KRAS: variants seen among roughly 807,000 people sequenced by gnomAD.
KRAS encodes the protein GTPase KRas.
KRAS carries 1 observed loss-of-function variant against 21.0 expected under a neutral mutation model. The observed-to-expected ratio is 0.05, with a 90% CI of 0.02 to 0.23. The LOEUF (loss-of-function observed/expected upper bound fraction) is 0.23. KRAS is among the 10% of genes least tolerant of loss of function. The probability of loss-of-function intolerance (pLI) is 1.00; values close to 1 mark genes in which losing one functional copy is unlikely to be tolerated. For missense variants in KRAS, 107 were observed against 221.8 expected (o/e 0.48, Z 3.29); for synonymous variants, 67 against 72.5 (o/e 0.92, Z 0.39).
At chr12:25,233,817 C>T (rs1000660819) in intron 2 of KRAS, 4 of 200,926 alleles carry the variant, frequency 2.0e-5, no homozygotes, top group Non-Finnish European at 3.1e-5. Context: ...TGAATGAATC[C>T]ATTTGATGTA....
At chr12:25,214,206 G>T (rs1402441595) in intron 4 of KRAS, among the ~76,000 whole-genome samples, 1 of 152,082 alleles carries the variant, frequency 6.6e-6, no homozygotes, top group African/African-American at 2.4e-5. Context: ...TTCCAAACAA[G>T]AGCCAAGACT....
rs34584556 is a variant in KRAS, at chr12:25,228,178, C to CTTTTT, written c.112-771_112-767dup. Among the ~76,000 whole-genome samples, 108 of 76,758 alleles carry CTTTTT rather than the reference C, an allele frequency of 1.4e-3. 2 individuals are homozygous for CTTTTT. Among genetic ancestry groups the CTTTTT allele is most frequent in the African/African-American group, 3.5e-3 (69 of 19,602 alleles). The allele number at this position is 76,758 out of a possible 152,430, so 50.4% of individuals were successfully genotyped here. A position where few individuals can be genotyped will look rare whatever the true frequency, so the allele number is the denominator to read the frequency against. Reference sequence around the variant, plus strand: ...GATTTTGGATTTTTTTTTCTTTCATCTTTTTTTTTTTTTTTTTTTTTTTGG... The same window carrying CTTTTT: ...GATTTTGGATTTTTTTTTCTTTCATCTTTTTTTTTTTTTTTTTTTTTTTTTTTTGG... On this transcript the variant is annotated intron_variant, in intron 2 of 4. Coordinates refer to ENST00000311936, the MANE Select transcript of KRAS (RefSeq NM_004985.5).
intron 2 of KRAS, among the ~76,000 whole-genome samples, chr12:25,237,232 T>C (rs1016689965): frequency 7.9e-5 from 12 of 152,230 alleles, no homozygotes; most frequent in African/African-American, 2.9e-4. Context: ...TTTTAGAGGC[T>C]GGTGGGAGAA....
At chr12:25,242,980 CTTGAT>C (rs1951629376) in intron 2 of KRAS, among the ~76,000 whole-genome samples, 1 of 152,078 alleles carries the variant, frequency 6.6e-6, no homozygotes, top group Admixed American at 6.5e-5. Context: ...TACAGTATTA[CTTGAT>C]TTAAATTTTT....
chr12:25,241,626 A>G (rs970880452), intron 2 of KRAS, among the ~76,000 whole-genome samples: 6 of 152,204 alleles, frequency 3.9e-5, no homozygotes, highest in African/African-American at 1.4e-4. Context: ...CAAGGTTTGG[A>G]TCTTAACACC....
chr12:25,232,074 C>A (rs1380360983), intron 2 of KRAS, among the ~76,000 whole-genome samples: 1 of 151,968 alleles, frequency 6.6e-6, no homozygotes, highest in African/African-American at 2.4e-5. Context: ...TCCATATCTG[C>A]ATTTGGTTGG....
chr12:25,225,792 T>C lies in KRAS; in HGVS notation c.291-19A>G. 1 of 1,607,092 alleles carries C rather than the reference T, an allele frequency of 6.2e-7. No individual in the cohort carries two copies. Among genetic ancestry groups the C allele is most frequent in the Non-Finnish European group, 8.5e-7 (1 of 1,175,488 alleles). On this transcript the variant is annotated intron_variant, in intron 3 of 4. Transcript: ENST00000311936. ...TTGTTCTCTGGGAAAGAAAAAAAAG[T>C]TATAGCACAGTCATTAGTAACACAA...
intron 4 of KRAS, among the ~76,000 whole-genome samples, chr12:25,222,074 G>A (rs555060775): frequency 1.1e-4 from 17 of 151,654 alleles, no homozygotes; most frequent in Middle Eastern, 3.4e-3. Flanking sequence ...GTGTGAACCC[G>A]GGAGGCGGAG....
At chr12:25,224,133 A>G (rs1951359679) in intron 4 of KRAS, among the ~76,000 whole-genome samples, 1 of 148,198 alleles carries the variant, frequency 6.7e-6, no homozygotes, top group South Asian at 2.1e-4. Flanking sequence ...TCAGTTGTAT[A>G]ATGGTATAGC....
chr12:25,214,685 G>A (rs1453490066), intron 4 of KRAS, among the ~76,000 whole-genome samples: 1 of 152,174 alleles, frequency 6.6e-6, no homozygotes, highest in East Asian at 1.9e-4. Context: ...ACCGCGCCCG[G>A]CCAAAAATGA....
At chr12:25,214,667 C>T (rs960881387) in intron 4 of KRAS, among the ~76,000 whole-genome samples, 1 of 152,200 alleles carries the variant, frequency 6.6e-6, no homozygotes. Flanking sequence ...GGATTACAGG[C>T]GTGAGCCACC....
At chr12:25,238,047 C>A (rs576116206) in intron 2 of KRAS, among the ~76,000 whole-genome samples, 25 of 152,244 alleles carry the variant, frequency 1.6e-4, no homozygotes, top group Non-Finnish European at 2.6e-4. Flanking sequence ...AGCTTATTTT[C>A]ATGGCAGAAT....
At chr12:25,248,230 G>A (rs1951710322) in intron 1 of KRAS, among the ~76,000 whole-genome samples, 1 of 152,038 alleles carries the variant, frequency 6.6e-6, no homozygotes, top group Non-Finnish European at 1.5e-5. Context: ...GGAGGCTTAG[G>A]CGGGCGGATC....
chr12:25,210,501 T>C (rs1951190601), intron 4 of KRAS, among the ~76,000 whole-genome samples: 1 of 152,136 alleles, frequency 6.6e-6, no homozygotes, highest in Admixed American at 6.5e-5. Flanking sequence ...TGATATATAT[T>C]AAGGGATTAG....
At position 25,245,260 on chromosome 12, in the gene KRAS, A is replaced by G. The variant is rs1341078111; in HGVS notation, c.111+14T>C. 4 of 1,595,420 alleles carry G rather than the reference A, an allele frequency of 2.5e-6. No individual in the cohort carries two copies. Among genetic ancestry groups the G allele is most frequent in the Non-Finnish European group, 3.4e-6 (4 of 1,168,496 alleles). On this transcript the variant is annotated intron_variant, in intron 2 of 4. Coordinates refer to ENST00000311936, the MANE Select transcript of KRAS (RefSeq NM_004985.5). Reference sequence around the variant, plus strand: ...GTCCTGCACCAGTAATATGCATATTAAAACAAGATTTACCTCTATTGTTGG... The same window carrying G: ...GTCCTGCACCAGTAATATGCATATTGAAACAAGATTTACCTCTATTGTTGG...
At chr12:25,216,712 T>TATTG (rs1273341956) in intron 4 of KRAS, among the ~76,000 whole-genome samples, 2 of 152,222 alleles carry the variant, frequency 1.3e-5, no homozygotes, top group Non-Finnish European at 2.9e-5. Flanking sequence ...TACAATCATA[T>TATTG]ATTGGCCATA....
At chr12:25,215,640 T>C in intron 4 of KRAS, 1 of 1,223,658 alleles carries the variant, frequency 8.2e-7, no homozygotes. Context: ...TGCAAGAAGT[T>C]TGAGATTATG....
At chr12:25,245,468 C>T (rs917279961) in intron 1 of KRAS, 73 bp from the exon 2 acceptor site, 6 of 1,380,466 alleles carry the variant, frequency 4.3e-6, no homozygotes, top group Non-Finnish European at 6.1e-6. Context: ...CTATCAAATA[C>T]TCCACCAGTA....
chr12:25,231,964 C>T (rs56375810), intron 2 of KRAS, among the ~76,000 whole-genome samples: 23,071 of 152,032 alleles, frequency 0.15, 1,826 homozygotes, highest in East Asian at 0.24. Flanking sequence ...CCATAAGAAA[C>T]AGTCATCCCT....
Sources: gnomAD v4.1 joint callset for allele counts (sites outside exome capture counted in the v4.1 genomes callset) on GRCh38, gnomAD v4.1.1 for gene constraint, MANE v1.5 for transcripts, NCBI Gene and HGNC (gene_info 2026-07-23, HGNC 2026-07-21) for gene names.